Variants in CLASP1 observed in about 807,000 individuals in gnomAD.
The protein encoded by CLASP1 is CLIP-associating protein 1.
A neutral mutation model predicts 192.3 loss-of-function variants in CLASP1; 38 were observed. The observed-to-expected ratio is 0.20, with a 90% CI of 0.15 to 0.26. The LOEUF is 0.26. Among genes scored for constraint, CLASP1 ranks in the 10% least tolerant of loss-of-function variants. CLASP1 has a pLI of 1.00. For synonymous variants in CLASP1, 691 were observed against 712.8 expected (o/e 0.97, Z 0.49); for missense variants, 1,433 against 1,932.5 (o/e 0.74, Z 4.85).
intron 22 of CLASP1, among the ~76,000 whole-genome samples, chr2:121,421,162 A>C (rs1389834015): frequency 6.6e-6 from 1 of 152,228 alleles, no homozygotes; most frequent in Non-Finnish European, 1.5e-5. Context: ...TTCAAATGTT[A>C]AATAATTTAA....
At position 121,445,253 on chromosome 2, in the gene CLASP1, C is replaced by A. The variant is rs996980184; in HGVS notation, c.1912+2084G>T. Among the ~76,000 whole-genome samples the A allele has an allele frequency of 1.4e-4, 21 of 152,066 alleles. 1 individual carries two copies. The highest frequency in any genetic ancestry group is 1.4e-3 in the Admixed American group (21 of 15,260). On this transcript the variant is annotated intron_variant, in intron 19 of 39. Coordinates refer to ENST00000263710, the Ensembl canonical transcript of CLASP1. Reference sequence around the variant, plus strand: ...AAAGAAAGATTATTTTTTGTTTTAGCCAACTCTCATCCTCTTAAGAGTTCC... The same window carrying A: ...AAAGAAAGATTATTTTTTGTTTTAGACAACTCTCATCCTCTTAAGAGTTCC...
chr2:121,394,218 A>G (rs1444832741), intron 30 of CLASP1, among the ~76,000 whole-genome samples: 1 of 152,216 alleles, frequency 6.6e-6, no homozygotes, highest in Non-Finnish European at 1.5e-5. Context: ...TGAGGCCCTT[A>G]ATCAGTTGAC....
intron 1 of CLASP1, among the ~76,000 whole-genome samples, chr2:121,616,679 AT>A (rs2066520171): frequency 2.6e-5 from 4 of 152,278 alleles, no homozygotes; most frequent in Non-Finnish European, 5.9e-5. Flanking sequence ...TTACAATATG[AT>A]CGAAAACGAA....
At chr2:121,564,279 G>A (rs1325854603) in intron 2 of CLASP1, among the ~76,000 whole-genome samples, 1 of 152,192 alleles carries the variant, frequency 6.6e-6, no homozygotes, top group Non-Finnish European at 1.5e-5. Flanking sequence ...TTCTATAAAT[G>A]TTCCATGTAC....
chr2:121,438,170 T>A (rs983013242), intron 19 of CLASP1, among the ~76,000 whole-genome samples: 1 of 152,222 alleles, frequency 6.6e-6, no homozygotes, highest in Admixed American at 6.5e-5. Flanking sequence ...AGTAGCTTCC[T>A]CTACAGAAGT....
rs534086335 is a variant in CLASP1 at position 121,575,174 on chromosome 2, C to T, written c.195+30527G>A. On this transcript the variant is annotated intron_variant, in intron 2 of 39. Coordinates refer to ENST00000263710, the Ensembl canonical transcript of CLASP1. ...TCTCCCAGGCTGGAGTGCAGTGGCG[C>T]GATCTCGGCTCACTGCAACCTCCGC... is the stretch of plus-strand genomic sequence containing the variant. Among the ~76,000 whole-genome samples, 5 of 151,998 alleles carry T rather than the reference C, an allele frequency of 3.3e-5. No individual in the cohort carries two copies. The East Asian group carries it at 9.7e-4, about 30-fold the overall frequency.
intron 8 of CLASP1, among the ~76,000 whole-genome samples, chr2:121,478,972 C>CA (rs2092297920): frequency 1.8e-5 from 1 of 55,758 alleles, no homozygotes; most frequent in Non-Finnish European, 3.4e-5. Context: ...ACCACACACA[C>CA]CACACACACA....
chr2:121,355,778 G>A (rs1409259137), intron 37 of CLASP1, among the ~76,000 whole-genome samples: 1 of 152,222 alleles, frequency 6.6e-6, no homozygotes, highest in Non-Finnish European at 1.5e-5. Context: ...AGTACACAAG[G>A]TGGCCAGAAG....
At chr2:121,634,873 C>T (rs1337344077) in intron 1 of CLASP1, among the ~76,000 whole-genome samples, 2 of 152,048 alleles carry the variant, frequency 1.3e-5, no homozygotes, top group African/African-American at 4.8e-5. Context: ...GCTTTTTAGA[C>T]AAAATATATG....
rs961025582 is a variant in CLASP1, at chr2:121,340,873, G to A, written c.4605C>T (p.Ser1535=). Residue 1535 remains serine (S), a synonymous_variant, in exon 40 of 40, where the codon TCC becomes TCT. Transcript: ENST00000263710. ...ACAGGTACTGCCATTAGCTGTGCGT[G>A]GAGACATCGGAGGAGGAGCTGCTGT... 4 of 1,611,458 alleles carry A rather than the reference G, an allele frequency of 2.5e-6. No individual in the cohort carries two copies. The South Asian group carries it at 3.3e-5, about 13-fold the overall frequency.
intron 19 of CLASP1, among the ~76,000 whole-genome samples, chr2:121,442,630 C>T (rs941008466): frequency 3.3e-5 from 5 of 152,084 alleles, no homozygotes; most frequent in African/African-American, 9.7e-5. Flanking sequence ...GAGGCACACA[C>T]CACCACATCT....
chr2:121,434,216 TAAC>T (rs1283348061), intron 19 of CLASP1, among the ~76,000 whole-genome samples: 1 of 152,218 alleles, frequency 6.6e-6, no homozygotes, highest in Non-Finnish European at 1.5e-5. Context: ...TTTGAATTGT[TAAC>T]AAAGCTGTCA....
exon 2 of CLASP1, chr2:121,605,786 G>A (rs781256833): frequency 2.5e-6 from 4 of 1,614,000 alleles, no homozygotes; most frequent in Non-Finnish European, 3.4e-6. Flanking sequence ...AAGGTCAGCA[G>A]ACTTCTGTTT....
intron 2 of CLASP1, among the ~76,000 whole-genome samples, chr2:121,565,454 T>C (rs1190083605): frequency 6.6e-6 from 1 of 152,224 alleles, no homozygotes. Context: ...TGTGTTCACA[T>C]AAAAGGAGAT....
At chr2:121,459,905 T>TTGAAC in intron 12 of CLASP1, 75 bp downstream of exon 12, 2 of 1,391,842 alleles carry the variant, frequency 1.4e-6, no homozygotes, top group Non-Finnish European at 1.9e-6. Flanking sequence ...CCAGCTCACA[T>TTGAAC]GTTCAAGGAG....
chr2:121,367,810 C>G (rs2067725869), exon 35 of CLASP1: 1 of 1,613,534 alleles, frequency 6.2e-7, no homozygotes, highest in African/African-American at 1.3e-5. Context: ...GCAGGGGAGG[C>G]AGCGCCCCCA....
chr2:121,442,760 T>C (rs1454177053), intron 19 of CLASP1, among the ~76,000 whole-genome samples: 2 of 152,142 alleles, frequency 1.3e-5, no homozygotes, highest in Non-Finnish European at 2.9e-5. Flanking sequence ...ATTACAGGGG[T>C]GAGCCACTGC....
exon 3 of CLASP1, chr2:121,530,319 G>A (rs1443204047): frequency 6.5e-7 from 1 of 1,550,230 alleles, no homozygotes; most frequent in South Asian, 1.2e-5. Context: ...ATGCCCAGCA[G>A]AACCACCTGC....
chr2:121,553,100 A>G (rs1034963661), intron 2 of CLASP1, among the ~76,000 whole-genome samples: 2 of 152,240 alleles, frequency 1.3e-5, no homozygotes, highest in Admixed American at 6.5e-5. Flanking sequence ...ACAGAAAACC[A>G]AATATTGCAT....
Sources: allele counts gnomAD v4.1 joint callset (sites outside exome capture counted in the v4.1 genomes callset), GRCh38; gene constraint gnomAD v4.1.1; transcripts MANE v1.5; gene names NCBI Gene and HGNC (gene_info 2026-07-23, HGNC 2026-07-21).